Variants in TTF2 observed in about 807,000 individuals in gnomAD.
The protein encoded by TTF2 is transcription termination factor 2.
TTF2 carries 108 observed loss-of-function variants against 142.4 expected under a neutral mutation model. The ratio of observed to expected loss-of-function variants is 0.76; its 90% confidence interval spans 0.65 to 0.89. The LOEUF is 0.89. Ranked by LOEUF, TTF2 falls within the 40% of genes least tolerant of loss-of-function variation. The pLI is 0.00. For missense variants in TTF2, 1,327 were observed against 1,379.8 expected, an observed-to-expected ratio of 0.96 and a Z score of 0.61; for synonymous variants, 483 against 506.2, an observed-to-expected ratio of 0.95 and a Z score of 0.61.
In TTF2 at chr1:117,090,045, A is replaced by G. The variant is rs776080515; in HGVS notation, c.2343-10A>G. 1 of 1,611,764 alleles carries G rather than the reference A, an allele frequency of 6.2e-7. No individual in the cohort carries two copies. The highest frequency in any genetic ancestry group is 1.1e-5 in the South Asian group (1 of 90,604). On this transcript the variant is annotated splice_polypyrimidine_tract_variant and intron_variant, in intron 13 of 22. Coordinates refer to ENST00000369466, the MANE Select transcript of TTF2 (RefSeq NM_003594.4). This position sits in a 1 kb window ranked among gnomAD's most constrained non-coding sequence, Gnocchi z 4.8. ...TCCCTACTCTGTGCCCTTCTTCCTC[A>G]ACAAAAAAGGTTTCTCCGTTGCTCT...
intron 9 of TTF2, among the ~76,000 whole-genome samples, chr1:117,081,367 A>G (rs1647495146): frequency 6.6e-6 from 1 of 152,214 alleles, no homozygotes; most frequent in Non-Finnish European, 1.5e-5. Flanking sequence ...TACCCAAGAA[A>G]TGTTCATTTA....
intron 18 of TTF2, chr1:117,094,529 G>A (rs1648917018): frequency 2.2e-6 from 1 of 459,612 alleles, no homozygotes; most frequent in Non-Finnish European, 4.4e-6. Context: ...AATACCCAGG[G>A]AGCCTGTTCG....
In TTF2 at chr1:117,075,268, G is replaced by A. The variant is rs1411723813; in HGVS notation, c.684G>A (p.Glu228=). 1.9e-6 allele frequency: 3 copies of A among 1,614,236 alleles called. No homozygotes were observed. Among genetic ancestry groups the A allele is most frequent in the Non-Finnish European group, 1.7e-6 (2 of 1,180,038 alleles). Reference sequence around the variant, plus strand: ...AATCTCAACAGTGCCAAGGTAATGAGCTTACAAGACCATCTGCATCTTCTC... The same window carrying A: ...AATCTCAACAGTGCCAAGGTAATGAACTTACAAGACCATCTGCATCTTCTC... ...EIKSQQCQGN[E]LTRPSASSQE... is the part of the protein sequence containing the mutation. Residue 228 remains glutamate (E), a synonymous_variant, in exon 5 of 23, where the codon GAG becomes GAA. Transcript: ENST00000369466. The surrounding 1 kb of genome is among the most constrained non-coding windows in gnomAD (Gnocchi z 4.5).
rs1656897992 is a variant in TTF2 at position 117,075,279 on chromosome 1, C to G, written c.695C>G (p.Pro232Arg). The change falls in exon 5 of 23, where the codon CCA becomes CGA. Residue 232 changes from proline (P) to arginine (R), a missense_variant. By Grantham distance (103) the Pro-to-Arg change is moderately radical. Coordinates refer to ENST00000369466, the MANE Select transcript of TTF2 (RefSeq NM_003594.4). This position sits in a 1 kb window ranked among gnomAD's most constrained non-coding sequence, Gnocchi z 4.5. The part of the protein sequence containing the change: ...QQCQGNELTR[P>R]SASSQEKSSG... ...TGCCAAGGTAATGAGCTTACAAGACCATCTGCATCTTCTCAGGAGAAATCA... is the reference window on the plus strand; with the variant it reads ...TGCCAAGGTAATGAGCTTACAAGACGATCTGCATCTTCTCAGGAGAAATCA... 1 of 1,614,172 alleles carries G rather than the reference C, an allele frequency of 6.2e-7. No homozygotes were observed. The highest frequency in any genetic ancestry group is 2.2e-5 in the East Asian group (1 of 44,888).
In TTF2 at chr1:117,073,130, T is replaced by C. The variant is rs1474808171; in HGVS notation, c.219-531T>C. Among the ~76,000 whole-genome samples the C allele has an allele frequency of 6.6e-6, 1 of 152,242 alleles. No individual in the cohort carries two copies. The highest frequency in any genetic ancestry group is 1.5e-5 in the Non-Finnish European group (1 of 68,034). On this transcript the variant is annotated intron_variant, in intron 3 of 22. Coordinates refer to ENST00000369466, the MANE Select transcript of TTF2 (RefSeq NM_003594.4). The surrounding 1 kb of genome is among the most constrained non-coding windows in gnomAD (Gnocchi z 4.4). ...GGAAGGGATCAGGTTGTTTGTCCTATAGCGTTTCCCACTGCCAAGATTTTG... is the reference window on the plus strand; with the variant it reads ...GGAAGGGATCAGGTTGTTTGTCCTACAGCGTTTCCCACTGCCAAGATTTTG...
At chr1:117,089,582 G>A (rs770579499) in intron 13 of TTF2, among the ~76,000 whole-genome samples, 1 of 152,064 alleles carries the variant, frequency 6.6e-6, no homozygotes, top group African/African-American at 2.4e-5. Flanking sequence ...CCAGCTGCTC[G>A]AGAGGCTGAG....
intron 2 of TTF2, among the ~76,000 whole-genome samples, chr1:117,061,243 T>A (rs1372177797): frequency 1.3e-5 from 2 of 149,850 alleles, no homozygotes; most frequent in African/African-American, 5.0e-5. Flanking sequence ...TTAAAAAAAA[T>A]TGTCTAGGCA....
chr1:117,094,495 A>G (rs1206915515), intron 18 of TTF2: 4 of 428,738 alleles, frequency 9.3e-6, no homozygotes, highest in Non-Finnish European at 1.9e-5. Context: ...TGTGGACTCA[A>G]GTGCACCCTA....
rs199968118 is a variant in TTF2 at position 117,075,689 on chromosome 1, C to G, written c.1105C>G (p.Pro369Ala). 2 of 1,614,000 alleles carry G rather than the reference C, an allele frequency of 1.2e-6. No homozygotes were observed. The highest frequency in any genetic ancestry group is 3.3e-5 in the Admixed American group (2 of 60,004). The change falls in exon 5 of 23, where the codon CCC becomes GCC. Residue 369 changes from proline to alanine, a missense_variant. Coordinates refer to ENST00000369466, the MANE Select transcript of TTF2 (RefSeq NM_003594.4). This position sits in a 1 kb window ranked among gnomAD's most constrained non-coding sequence, Gnocchi z 4.5. ...VVFVSSKPGSPLLFDSTLDLE... is the reference protein window; with the variant it reads ...VVFVSSKPGSALLFDSTLDLE... ...TTTTGTTTCCTCTAAGCCTGGGAGCCCCCTACTCTTTGACTCGACTCTGGA... is the reference window on the plus strand; with the variant it reads ...TTTTGTTTCCTCTAAGCCTGGGAGCGCCCTACTCTTTGACTCGACTCTGGA...
Position 117,096,217 on chromosome 1 carries a change from C to T in TTF2, c.3104C>T (p.Thr1035Ile), listed in dbSNP as rs552930871. The T allele has an allele frequency of 1.9e-5, 30 of 1,614,124 alleles. No individual in the cohort carries two copies. In the African/African-American group the frequency reaches 3.5e-4, roughly 19 times the overall value. ...VALHLKKHGL[T>I]YATIDGSVNP... ...TTGCACCTGAAGAAGCATGGACTGA[C>T]TTATGCCACCATCGATGGCTCTGTC... Residue 1035 changes from threonine (T) to isoleucine (I), a missense_variant, in exon 20 of 23, where the codon ACT becomes ATT. By Grantham distance (89) the Thr-to-Ile change is moderately conservative. Coordinates refer to ENST00000369466, the MANE Select transcript of TTF2 (RefSeq NM_003594.4).
At position 117,062,457 on chromosome 1, in the gene TTF2, G is replaced by A. The variant is rs368876587; in HGVS notation, c.202G>A (p.Asp68Asn). ...GCTTCAGGGTTTGCTTCTGCCACAG[G>A]ACAAGAAAGAATACAGGTAAGGGTC... is the stretch of plus-strand genomic sequence containing the variant. ...VELQGLLLPQDKKEYRLFFRC... is the reference protein window; with the variant it reads ...VELQGLLLPQNKKEYRLFFRC... Residue 68 changes from aspartate (D) to asparagine (N), a missense_variant, in exon 3 of 23, where the codon GAC becomes AAC. Coordinates refer to ENST00000369466, the MANE Select transcript of TTF2 (RefSeq NM_003594.4). 5 of 1,612,498 alleles carry A rather than the reference G, an allele frequency of 3.1e-6. No individual in the cohort carries two copies. The African/African-American group carries it at 4.0e-5, about 13-fold the overall frequency.
Position 117,073,655 on chromosome 1 carries a change from C to T in TTF2, c.219-6C>T. 1.2e-6 allele frequency: 2 copies of T among 1,606,694 alleles called. No individual in the cohort carries two copies. The highest frequency in any genetic ancestry group is 8.5e-7 in the Non-Finnish European group (1 of 1,174,742). On this transcript the variant is annotated splice_region_variant and splice_polypyrimidine_tract_variant and intron_variant, in intron 3 of 22. Transcript: ENST00000369466. The surrounding 1 kb of genome is among the most constrained non-coding windows in gnomAD (Gnocchi z 4.4). Reference sequence around the variant, plus strand: ...CCTTGATTATTTGTGTTTTATACTTCATTAGATTGTTCTTCCGATGCATTA... The same window carrying T: ...CCTTGATTATTTGTGTTTTATACTTTATTAGATTGTTCTTCCGATGCATTA...
chr1:117,064,692 G>A (rs1165930721), intron 3 of TTF2, among the ~76,000 whole-genome samples: 1 of 151,808 alleles, frequency 6.6e-6, no homozygotes, highest in Admixed American at 6.6e-5. Flanking sequence ...TAATTTTTTT[G>A]TATTTTAGTA....
At chr1:117,083,241 CAAAAAAA>C (rs937586299) in intron 10 of TTF2, among the ~76,000 whole-genome samples, 21 of 53,304 alleles carry the variant, frequency 3.9e-4, no homozygotes, top group Admixed American at 8.2e-4. Context: ...GACTCCGTCT[CAAAAAAA>C]AAAAAAAAAA....
chr1:117,097,158 T>C lies in TTF2; in HGVS notation c.3187-193T>C, dbSNP rs1649222019. Among the ~76,000 whole-genome samples the C allele has an allele frequency of 6.6e-6, 1 of 152,120 alleles. No individual in the cohort carries two copies. Among genetic ancestry groups the C allele is most frequent in the Non-Finnish European group, 1.5e-5 (1 of 68,028 alleles). ...TGACTCACACACACACAAAATGTGA[T>C]GTGAGAATTTTCTCAAAAGTGAGAC... On this transcript the variant is annotated intron_variant, in intron 20 of 22. Transcript: ENST00000369466. This position sits in a 1 kb window ranked among gnomAD's most constrained non-coding sequence, Gnocchi z 4.1.
Position 117,090,551 on chromosome 1 carries a change from A to G in TTF2, c.2516A>G (p.Lys839Arg). Reference protein sequence around the residue: ...GRPLVILPQRKFQLHHLKLSE... With the variant: ...GRPLVILPQRRFQLHHLKLSE... ...TTCCAGGTGATACTGCCCCAGCGTA[A>G]ATTTCAGTTGCACCATTTAAAGCTT... The change falls in exon 15 of 23, where the codon AAA becomes AGA. Residue 839 changes from lysine to arginine, a missense_variant. Transcript: ENST00000369466. This position sits in a 1 kb window ranked among gnomAD's most constrained non-coding sequence, Gnocchi z 4.8. 6.2e-7 allele frequency: 1 copy of G among 1,614,024 alleles called. No individual in the cohort carries two copies. Among genetic ancestry groups the G allele is most frequent in the Non-Finnish European group, 8.5e-7 (1 of 1,179,970 alleles).
chr1:117,092,904 A>T lies in TTF2; in HGVS notation c.2976+3A>T, dbSNP rs367811922. On this transcript the variant is annotated splice_donor_region_variant and intron_variant, in intron 18 of 22. Coordinates refer to ENST00000369466, the MANE Select transcript of TTF2 (RefSeq NM_003594.4). This position sits in a 1 kb window ranked among gnomAD's most constrained non-coding sequence, Gnocchi z 4.4. ...AAGGCATGCGAGAGAGCACCAAGGT[A>T]CTTTTTGTCTCCTCTGTAGTAGTCG... 2 of 1,613,994 alleles carry T rather than the reference A, an allele frequency of 1.2e-6. No homozygotes were observed. The highest frequency in any genetic ancestry group is 1.7e-6 in the Non-Finnish European group (2 of 1,180,006).
Position 117,079,469 on chromosome 1 carries a change from A to G in TTF2, c.1702-99A>G. 9.0e-7 allele frequency: 1 copy of G among 1,108,598 alleles called. No homozygotes were observed. The highest frequency in any genetic ancestry group is 1.4e-6 in the Non-Finnish European group (1 of 733,546). The allele number at this position is 1,108,598 out of a possible 1,614,324, so 68.7% of individuals were successfully genotyped here. A position where few individuals can be genotyped will look rare whatever the true frequency, so the allele number is the denominator to read the frequency against. ...CTGTCTACAGAATACTGAGGGAATC[A>G]TTTGTAGAAAATAGGAGAGTGTAGA... On this transcript the variant is annotated intron_variant, in intron 8 of 22. Coordinates refer to ENST00000369466, the MANE Select transcript of TTF2 (RefSeq NM_003594.4). The surrounding 1 kb of genome is among the most constrained non-coding windows in gnomAD (Gnocchi z 4.2).
At position 117,076,541 on chromosome 1, in the gene TTF2, A is replaced by G. The variant is rs1205099510; in HGVS notation, c.1391-100A>G. The G allele has an allele frequency of 7.8e-7, 1 of 1,278,502 alleles. No individual in the cohort carries two copies. Among genetic ancestry groups the G allele is most frequent in the African/African-American group, 1.5e-5 (1 of 67,170 alleles). The allele number at this position is 1,278,502 out of a possible 1,614,324, so 79.2% of individuals were successfully genotyped here. The stretch of plus-strand genomic sequence containing the variant: ...ACCTTCTCTAGGAATCCTTCATCGG[A>G]ATGGTGATGATCCCTCTCTCTTGAC... On this transcript the variant is annotated intron_variant, in intron 6 of 22. Coordinates refer to ENST00000369466, the MANE Select transcript of TTF2 (RefSeq NM_003594.4). This position sits in a 1 kb window ranked among gnomAD's most constrained non-coding sequence, Gnocchi z 4.6.
Sources: gnomAD v4.1 joint callset for allele counts (sites outside exome capture counted in the v4.1 genomes callset) on GRCh38, gnomAD v4.1.1 for gene constraint, Gnocchi (gnomAD v3.1) non-coding constraint, MANE v1.5 for transcripts, NCBI Gene and HGNC (gene_info 2026-07-23, HGNC 2026-07-21) for gene names.